Variants in GUCA1C observed in about 807,000 individuals in gnomAD.
GUCA1C encodes the protein guanylyl cyclase-activating protein 3.
Under a neutral mutation model 16.2 loss-of-function variants are expected in GUCA1C, and 15 were observed. The observed-to-expected ratio is 0.93, with a 90% confidence interval of 0.62 to 1.43. The LOEUF is 1.43. GUCA1C is among the 40% of genes most tolerant of loss of function. The pLI is 0.00. For synonymous variants in GUCA1C, 78 were observed against 85.4 expected, an observed-to-expected ratio of 0.91 and a Z score of 0.48; for missense variants, 275 against 244.8, an observed-to-expected ratio of 1.12 and a Z score of -0.82.
At chr3:108,938,739 T>C (rs1031268661) in intron 1 of GUCA1C, among the ~76,000 whole-genome samples, 3 of 152,238 alleles carry the variant, frequency 2.0e-5, no homozygotes, top group Admixed American at 6.5e-5. Flanking sequence ...AAATTGGTTA[T>C]ATAATGTGAT....
At chr3:108,925,443 T>G (rs1271420815) in intron 1 of GUCA1C, among the ~76,000 whole-genome samples, 1 of 152,190 alleles carries the variant, frequency 6.6e-6, no homozygotes, top group Non-Finnish European at 1.5e-5. Context: ...GAGGGTTCCT[T>G]TTGGAGTTGA....
At chr3:108,942,347 C>A (rs1337280216) in intron 1 of GUCA1C, among the ~76,000 whole-genome samples, 1 of 152,176 alleles carries the variant, frequency 6.6e-6, no homozygotes, top group Non-Finnish European at 1.5e-5. Flanking sequence ...TAACTAAGTC[C>A]ATCGCTCAAC....
intron 1 of GUCA1C, among the ~76,000 whole-genome samples, chr3:108,927,148 G>A (rs1261486644): frequency 3.9e-5 from 6 of 152,082 alleles, no homozygotes; most frequent in East Asian, 1.9e-4. Flanking sequence ...CTTTTGCCTC[G>A]CAGCTCTTAA....
intron 1 of GUCA1C, among the ~76,000 whole-genome samples, chr3:108,946,694 A>C (rs1946847228): frequency 6.6e-6 from 1 of 152,186 alleles, no homozygotes; most frequent in Admixed American, 6.5e-5. Context: ...TAGATGACAC[A>C]AGAGGACAAT....
chr3:108,939,747 G>A (rs184626357), intron 1 of GUCA1C, among the ~76,000 whole-genome samples: 33 of 152,012 alleles, frequency 2.2e-4, no homozygotes, highest in Admixed American at 1.2e-3. Flanking sequence ...ACATATAGAC[G>A]GCCCCTTAGT....
intron 1 of GUCA1C, among the ~76,000 whole-genome samples, chr3:108,934,916 C>T (rs1443841077): frequency 6.6e-6 from 1 of 150,540 alleles, no homozygotes; most frequent in Non-Finnish European, 1.5e-5. Flanking sequence ...CGGGTTCACG[C>T]CATTCTCCTG....
At chr3:108,934,107 C>T (rs1316927694) in intron 1 of GUCA1C, among the ~76,000 whole-genome samples, 2 of 151,638 alleles carry the variant, frequency 1.3e-5, no homozygotes, top group Non-Finnish European at 2.9e-5. Context: ...TGTTCTCACT[C>T]ATAAGTGGGA....
At chr3:108,915,035 T>A (rs1946493620) in intron 3 of GUCA1C, among the ~76,000 whole-genome samples, 1 of 152,244 alleles carries the variant, frequency 6.6e-6, no homozygotes, top group African/African-American at 2.4e-5. Flanking sequence ...ATGCAACTGA[T>A]GCATCTTCAA....
chr3:108,923,272 G>A (rs1455003112), intron 1 of GUCA1C, among the ~76,000 whole-genome samples: 1 of 152,148 alleles, frequency 6.6e-6, no homozygotes, highest in Non-Finnish European at 1.5e-5. Context: ...TTTTTCTAGT[G>A]TTATCTTCTA....
chr3:108,949,871 CAT>C (rs1363403971), intron 1 of GUCA1C, among the ~76,000 whole-genome samples: 2 of 152,114 alleles, frequency 1.3e-5, no homozygotes, highest in African/African-American at 2.4e-5. Context: ...CACCTTATCA[CAT>C]ACTTACCTTT....
At chr3:108,949,615 C>T (rs1422532869) in intron 1 of GUCA1C, among the ~76,000 whole-genome samples, 1 of 152,168 alleles carries the variant, frequency 6.6e-6, no homozygotes, top group Non-Finnish European at 1.5e-5. Flanking sequence ...GTCTGAGGTG[C>T]TAAGGCCATA....
chr3:108,930,555 G>A (rs886741215), intron 1 of GUCA1C, among the ~76,000 whole-genome samples: 2 of 152,176 alleles, frequency 1.3e-5, no homozygotes, highest in African/African-American at 4.8e-5. Context: ...TTTCTACACT[G>A]TGGATGTTTT....
At chr3:108,933,926 A>G (rs1946695184) in intron 1 of GUCA1C, among the ~76,000 whole-genome samples, 1 of 152,220 alleles carries the variant, frequency 6.6e-6, no homozygotes, top group South Asian at 2.1e-4. Flanking sequence ...ACTTGGAACC[A>G]ACCCAAATGC....
At chr3:108,915,642 G>T (rs62266506) in intron 3 of GUCA1C, among the ~76,000 whole-genome samples, 15,372 of 152,226 alleles carry the variant, frequency 0.1, 810 homozygotes, top group Middle Eastern at 0.16. Context: ...ATGGAGGCAA[G>T]TGTGGACTCT....
intron 1 of GUCA1C, among the ~76,000 whole-genome samples, chr3:108,936,671 G>A (rs1175706927): frequency 1.3e-5 from 2 of 152,180 alleles, no homozygotes; most frequent in Admixed American, 6.6e-5. Context: ...AGTGCAGTGC[G>A]CTATTCTGGA....
At chr3:108,927,759 T>C (rs193189472) in intron 1 of GUCA1C, among the ~76,000 whole-genome samples, 3 of 152,324 alleles carry the variant, frequency 2.0e-5, no homozygotes, top group East Asian at 3.9e-4. Flanking sequence ...TTTGAATCCA[T>C]TGCTGGTGAG....
chr3:108,925,981 G>C (rs1946619797), intron 1 of GUCA1C, among the ~76,000 whole-genome samples: 1 of 152,110 alleles, frequency 6.6e-6, no homozygotes, highest in South Asian at 2.1e-4. Flanking sequence ...CAGCTACACG[G>C]GAGGCTGAGG....
chr3:108,913,629 G>A (rs1229494515), intron 3 of GUCA1C, among the ~76,000 whole-genome samples: 3 of 152,042 alleles, frequency 2.0e-5, no homozygotes, highest in African/African-American at 7.2e-5. Flanking sequence ...ATGATGAAAC[G>A]ATGTAACAAA....
chr3:108,927,991 G>T (rs746628281), intron 1 of GUCA1C, among the ~76,000 whole-genome samples: 13 of 152,184 alleles, frequency 8.5e-5, no homozygotes, highest in Non-Finnish European at 1.6e-4. Context: ...GCTCTTCTGG[G>T]TCTAGTCACC....
Sources: allele counts gnomAD v4.1 joint callset (sites outside exome capture counted in the v4.1 genomes callset), GRCh38; gene constraint gnomAD v4.1.1; transcripts MANE v1.5; gene names NCBI Gene and HGNC (gene_info 2026-07-23, HGNC 2026-07-21).